The following PRLR variants were observed in gnomAD, a reference collection of about 807,000 sequenced individuals.
PRLR encodes the protein hPRL receptor.
PRLR carries 13 observed loss-of-function variants against 40.2 expected under a neutral mutation model. The observed-to-expected ratio is 0.32, with a 90% CI of 0.21 to 0.51. The LOEUF is 0.51. Among genes scored for constraint, PRLR ranks in the 20% least tolerant of loss-of-function variants. The probability of loss-of-function intolerance (pLI) is 0.97; values close to 1 mark genes in which losing one functional copy is unlikely to be tolerated. For missense variants in PRLR, 656 were observed against 747.3 expected, an observed-to-expected ratio of 0.88 and a Z score of 1.42; for synonymous variants, 269 against 278.7, an observed-to-expected ratio of 0.97 and a Z score of 0.35.
intron 1 of PRLR, among the ~76,000 whole-genome samples, chr5:35,217,876 A>G (rs185275837): frequency 6.8e-4 from 103 of 152,320 alleles, no homozygotes; most frequent in African/African-American, 2.4e-3. Flanking sequence ...TCCTGTGATC[A>G]CATAACTGCC....
chr5:35,058,682 T>C lies in PRLR; in HGVS notation c.*6407A>G, dbSNP rs1379917123. 1.3e-5 allele frequency: 2 copies of C among 152,218 alleles called. No individual in the cohort carries two copies. Among genetic ancestry groups the C allele is most frequent in the African/African-American group, 4.8e-5 (2 of 41,468 alleles). The allele number at this position is 152,218 out of a possible 1,614,324, so 9.4% of individuals were successfully genotyped here. A position where few individuals can be genotyped will look rare whatever the true frequency, so the allele number is the denominator to read the frequency against. ...AAACTACATATGGATAAATTGTAAG[T>C]TATTAAGTAATGATTTTCATTTGTA... On this transcript the variant is annotated 3_prime_UTR_variant, in exon 10 of 10. Coordinates refer to ENST00000618457, the MANE Select transcript of PRLR (RefSeq NM_000949.7).
chr5:35,218,922 A>T (rs1587609), intron 1 of PRLR, among the ~76,000 whole-genome samples: 135,545 of 152,250 alleles, frequency 0.89, 60,618 homozygotes, highest in Non-Finnish European at 0.91. Flanking sequence ...ACAACACAGA[A>T]ACTATGAATA....
intron 5 of PRLR, among the ~76,000 whole-genome samples, chr5:35,080,307 A>G (rs1449654817): frequency 6.6e-6 from 1 of 152,250 alleles, no homozygotes; most frequent in Non-Finnish European, 1.5e-5. Flanking sequence ...AAGGGCTAAT[A>G]TTCAGAATCT....
chr5:35,116,796 C>A (rs541504724), intron 2 of PRLR, among the ~76,000 whole-genome samples: 2 of 152,294 alleles, frequency 1.3e-5, no homozygotes, highest in African/African-American at 4.8e-5. Context: ...GATGACACTT[C>A]TTCTGCAAGT....
At chr5:35,102,081 G>T (rs1771919433) in intron 2 of PRLR, among the ~76,000 whole-genome samples, 1 of 151,942 alleles carries the variant, frequency 6.6e-6, no homozygotes, top group South Asian at 2.1e-4. Flanking sequence ...ACCCGCCTCG[G>T]CCTCCCAAAG....
intron 2 of PRLR, among the ~76,000 whole-genome samples, chr5:35,102,375 T>C (rs1343220335): frequency 1.3e-5 from 2 of 152,102 alleles, no homozygotes; most frequent in African/African-American, 4.8e-5. Context: ...TCCATCCTTT[T>C]GCCCATCTCT....
chr5:35,134,816 C>T (rs1271738860), intron 1 of PRLR, among the ~76,000 whole-genome samples: 2 of 152,222 alleles, frequency 1.3e-5, no homozygotes, highest in East Asian at 3.8e-4. Flanking sequence ...ACTTTAAAAA[C>T]TACGGCTGTT....
intron 1 of PRLR, among the ~76,000 whole-genome samples, chr5:35,145,164 C>T (rs992587289): frequency 9.2e-5 from 14 of 152,104 alleles, no homozygotes; most frequent in African/African-American, 3.1e-4. Flanking sequence ...TTTTCACAAA[C>T]GTTTTATGCT....
At chr5:35,151,166 G>A (rs1394633678) in intron 1 of PRLR, among the ~76,000 whole-genome samples, 1 of 152,194 alleles carries the variant, frequency 6.6e-6, no homozygotes, top group African/African-American at 2.4e-5. Flanking sequence ...GCATGGCTAT[G>A]TGAGCCATCA....
chr5:35,079,120 A>C (rs558284662), intron 5 of PRLR, among the ~76,000 whole-genome samples: 1 of 152,176 alleles, frequency 6.6e-6, no homozygotes, highest in African/African-American at 2.4e-5. Context: ...GGGCAAAAAC[A>C]GGAAGCATTC....
rs1768777042 is a variant in PRLR at position 35,057,229 on chromosome 5, G to A, written c.*7860C>T. 6.6e-6 allele frequency: 1 copy of A among 152,024 alleles called. No individual in the cohort carries two copies. The highest frequency in any genetic ancestry group is 1.5e-5 in the Non-Finnish European group (1 of 67,960). 9.4% of individuals were successfully genotyped at this position (152,024 alleles called of 1,614,324 possible). ...GGATGAGGTAAAGGAGGGAAATTTT[G>A]TCTTGCAATCATAGGAAGGGTGGAC... On this transcript the variant is annotated 3_prime_UTR_variant, in exon 10 of 10. Transcript: ENST00000618457.
chr5:35,087,422 TTGTGTGTGTGTGTGTG>T lies in PRLR; in HGVS notation c.71-1098_71-1083del, dbSNP rs10691744. On this transcript the variant is annotated intron_variant, in intron 3 of 9. Coordinates refer to ENST00000618457, the MANE Select transcript of PRLR (RefSeq NM_000949.7). ...TCTCTTAGATTTTCCTCTCTTTCCT[TTGTGTGTGTGTGTGTG>T]TGTGTGTGTGTGTGTGTGTGGTGAG... is the stretch of plus-strand genomic sequence containing the variant. Among the ~76,000 whole-genome samples, 5 of 140,936 alleles carry T rather than the reference TTGTGTGTGTGTGTGTG, an allele frequency of 3.5e-5. No individual in the cohort carries two copies. In the East Asian group the frequency reaches 1.0e-3, roughly 29 times the overall value. 92.5% of individuals were successfully genotyped at this position (140,936 alleles called of 152,430 possible). A position where few individuals can be genotyped will look rare whatever the true frequency, so the allele number is the denominator to read the frequency against.
intron 1 of PRLR, among the ~76,000 whole-genome samples, chr5:35,204,771 A>G (rs1775972191): frequency 6.6e-6 from 1 of 152,204 alleles, no homozygotes; most frequent in Non-Finnish European, 1.5e-5. Context: ...GAAAAAGATC[A>G]TGTCTTATGC....
chr5:35,185,144 G>A (rs1374407804), intron 1 of PRLR, among the ~76,000 whole-genome samples: 1 of 152,186 alleles, frequency 6.6e-6, no homozygotes, highest in Non-Finnish European at 1.5e-5. Flanking sequence ...TCTAGGCTTG[G>A]CCCTTCTCTT....
At chr5:35,206,786 A>C (rs1261368223) in intron 1 of PRLR, among the ~76,000 whole-genome samples, 1 of 152,106 alleles carries the variant, frequency 6.6e-6, no homozygotes, top group Admixed American at 6.5e-5. Flanking sequence ...TCCATATGGC[A>C]AAAGAGAGAT....
At chr5:35,082,727 A>C (rs1231968951) in intron 5 of PRLR, among the ~76,000 whole-genome samples, 1 of 152,172 alleles carries the variant, frequency 6.6e-6, no homozygotes, top group African/African-American at 2.4e-5. Context: ...TTATTGCTGG[A>C]TGAGAGTCGA....
intron 2 of PRLR, among the ~76,000 whole-genome samples, chr5:35,100,353 C>T (rs112322522): frequency 0.031 from 4,752 of 152,154 alleles, 252 homozygotes; most frequent in African/African-American, 0.11. Flanking sequence ...TGACCCAGGG[C>T]TTCACATTCA....
intron 1 of PRLR, among the ~76,000 whole-genome samples, chr5:35,171,291 A>G (rs559388782): frequency 6.6e-6 from 1 of 151,504 alleles, no homozygotes; most frequent in African/African-American, 2.4e-5. Context: ...AGGATCTGTC[A>G]TCTGAGAGGT....
chr5:35,105,557 A>T (rs1466511045), intron 2 of PRLR, among the ~76,000 whole-genome samples: 1 of 152,218 alleles, frequency 6.6e-6, no homozygotes, highest in African/African-American at 2.4e-5. Context: ...GCTGAAAACC[A>T]TGGCACGAGA....
Sources: allele counts gnomAD v4.1 joint callset (sites outside exome capture counted in the v4.1 genomes callset), GRCh38; gene constraint gnomAD v4.1.1; transcripts MANE v1.5; gene names NCBI Gene and HGNC (gene_info 2026-07-23, HGNC 2026-07-21).